SLC35D4: variants seen among roughly 807,000 people sequenced by gnomAD.
SLC35D4 encodes solute carrier family 35 member D4.
At chr18:23,259,415 C>G in the SLC35D4 span, 4 of 152,200 alleles carry the variant, frequency 2.6e-5, no homozygotes, top group Admixed American at 6.5e-5. Flanking sequence ...GTGATAAAAT[C>G]AGGCTAATTT....
chr18:23,418,763 T>A, the SLC35D4 span, among the ~76,000 whole-genome samples: 1 of 151,984 alleles, frequency 6.6e-6, no homozygotes, highest in South Asian at 2.1e-4. Flanking sequence ...ATCCCAGCAC[T>A]TTGGGAGGCC....
the SLC35D4 span, among the ~76,000 whole-genome samples, chr18:23,386,312 T>C: frequency 6.6e-6 from 1 of 151,970 alleles, no homozygotes; most frequent in Non-Finnish European, 1.5e-5. Context: ...CAGTCACACA[T>C]ATCCTTATAA....
chr18:23,400,997 T>A, the SLC35D4 span, among the ~76,000 whole-genome samples: 46 of 152,370 alleles, frequency 3.0e-4, no homozygotes, highest in African/African-American at 1.1e-3. Context: ...CAGGTAACAT[T>A]TATTGAACAC....
At chr18:23,425,501 T>C in the SLC35D4 span, among the ~76,000 whole-genome samples, 9 of 152,248 alleles carry the variant, frequency 5.9e-5, no homozygotes, top group African/African-American at 1.9e-4. Context: ...GAGCATTGAA[T>C]ACACATAACC....
the SLC35D4 span, chr18:23,297,665 AGCAGAGCCAGCC>A: frequency 1.8e-5 from 5 of 271,422 alleles, no homozygotes; most frequent in East Asian, 3.9e-4. Flanking sequence ...AGTCGAGGCG[AGCAGAGCCAGCC>A]CATGAAATCC....
At chr18:23,252,995 CAAG>C in the SLC35D4 span, 5 of 1,613,656 alleles carry the variant, frequency 3.1e-6, no homozygotes, top group South Asian at 1.1e-5. Context: ...CCTCGGATCT[CAAG>C]AAGGACATGA....
the SLC35D4 span, among the ~76,000 whole-genome samples, chr18:23,363,201 A>G: frequency 6.3e-5 from 9 of 143,718 alleles, no homozygotes; most frequent in Non-Finnish European, 9.1e-5. Flanking sequence ...GCCGAGATAC[A>G]CCACTGCACT....
the SLC35D4 span, among the ~76,000 whole-genome samples, chr18:23,424,432 T>G: frequency 1.3e-5 from 2 of 152,202 alleles, no homozygotes; most frequent in Non-Finnish European, 2.9e-5. Context: ...CTTGGAATAC[T>G]CCAGTGACAA....
At chr18:23,329,649 G>A in the SLC35D4 span, among the ~76,000 whole-genome samples, 20 of 152,288 alleles carry the variant, frequency 1.3e-4, no homozygotes, top group South Asian at 2.7e-3. Context: ...ACAGTGTGGC[G>A]ATTCCTCAAG....
chr18:23,248,512 C>CTTTT, the SLC35D4 span, among the ~76,000 whole-genome samples: 531 of 90,708 alleles, frequency 5.9e-3, 16 homozygotes, highest in African/African-American at 0.019. Context: ...GACCCTATGT[C>CTTTT]TTTTTTTTTT....
chr18:23,267,717 T>G, the SLC35D4 span, among the ~76,000 whole-genome samples: 1 of 152,114 alleles, frequency 6.6e-6, no homozygotes, highest in Admixed American at 6.5e-5. Flanking sequence ...CCCATCCTCT[T>G]TCCTTCCTTA....
chr18:23,354,033 C>T, the SLC35D4 span, among the ~76,000 whole-genome samples: 6 of 152,282 alleles, frequency 3.9e-5, no homozygotes, highest in East Asian at 7.7e-4. Context: ...CCAGCAAGGG[C>T]GCTGGCACAG....
At chr18:23,418,540 G>A in the SLC35D4 span, among the ~76,000 whole-genome samples, 1 of 151,388 alleles carries the variant, frequency 6.6e-6, no homozygotes, top group Admixed American at 6.6e-5. Flanking sequence ...AGTAGAGATG[G>A]GGCTTCACCA....
At chr18:23,386,379 T>C in the SLC35D4 span, among the ~76,000 whole-genome samples, 4 of 151,896 alleles carry the variant, frequency 2.6e-5, no homozygotes, top group Non-Finnish European at 4.4e-5. Context: ...AGGCAGAGAC[T>C]GGAGTGATGC....
At chr18:23,240,287 C>T in the SLC35D4 span, among the ~76,000 whole-genome samples, 4 of 152,232 alleles carry the variant, frequency 2.6e-5, no homozygotes, top group Admixed American at 2.6e-4. Flanking sequence ...GTGGAAAGAC[C>T]CCAAAGTAGG....
chr18:23,242,327 C>T, the SLC35D4 span, among the ~76,000 whole-genome samples: 7 of 152,090 alleles, frequency 4.6e-5, no homozygotes, highest in African/African-American at 1.7e-4. Flanking sequence ...GCAGCTGGCC[C>T]GGTGGTTTGG....
At chr18:23,414,106 T>C in the SLC35D4 span, among the ~76,000 whole-genome samples, 1 of 150,738 alleles carries the variant, frequency 6.6e-6, no homozygotes, top group African/African-American at 2.4e-5. Flanking sequence ...AATACAAAAA[T>C]TAGCCGGGCA....
the SLC35D4 span, among the ~76,000 whole-genome samples, chr18:23,400,669 T>A: frequency 6.6e-6 from 1 of 152,116 alleles, no homozygotes; most frequent in Non-Finnish European, 1.5e-5. Flanking sequence ...CTAATTCAAG[T>A]TCCCAGAGTT....
At chr18:23,436,487 C>T in the SLC35D4 span, among the ~76,000 whole-genome samples, 2 of 152,208 alleles carry the variant, frequency 1.3e-5, no homozygotes, top group Admixed American at 6.5e-5. Flanking sequence ...AAAGGCTTAT[C>T]GCCATAACTA....
Sources: allele counts gnomAD v4.1 joint callset (sites outside exome capture counted in the v4.1 genomes callset), GRCh38; gene constraint gnomAD v4.1.1; transcripts MANE v1.5; gene names NCBI Gene and HGNC (gene_info 2026-07-23, HGNC 2026-07-21).